WDR72: variants seen among roughly 807,000 people sequenced by gnomAD.
WDR72 encodes WD repeat domain 72.
Under a neutral mutation model 124.2 loss-of-function variants are expected in WDR72, and 120 were observed. The observed-to-expected ratio is 0.97, with a 90% CI of 0.83 to 1.12. WDR72 has a LOEUF of 1.12. WDR72 is among the 50% of genes most tolerant of loss of function. The pLI is 0.00. For missense variants in WDR72, 1,387 were observed against 1,278.8 expected, an observed-to-expected ratio of 1.08 and a Z score of -1.29; for synonymous variants, 452 against 441.7, an observed-to-expected ratio of 1.02 and a Z score of -0.29.
At chr15:53,583,134 G>A (rs141146514) in intron 18 of WDR72, among the ~76,000 whole-genome samples, 7 of 152,028 alleles carry the variant, frequency 4.6e-5, no homozygotes, top group African/African-American at 1.7e-4. Flanking sequence ...CCAGTCTAGT[G>A]CCATTCTCCA....
At chr15:53,628,849 T>A (rs953014359) in intron 14 of WDR72, among the ~76,000 whole-genome samples, 2 of 151,404 alleles carry the variant, frequency 1.3e-5, no homozygotes, top group Non-Finnish European at 2.9e-5. Context: ...TTAGCTAAGC[T>A]CAAAAACAAA....
Position 53,665,641 on chromosome 15 carries a change from C to T in WDR72, c.1893G>A (p.Gln631=), listed in dbSNP as rs2140451335. The T allele has an allele frequency of 6.2e-7, 1 of 1,613,906 alleles. No homozygotes were observed. The highest frequency in any genetic ancestry group is 8.5e-7 in the Non-Finnish European group (1 of 1,179,882). Residue 631 remains glutamine (Q), a synonymous_variant, in exon 14 of 20, where the codon CAG becomes CAA. Coordinates refer to ENST00000360509, the MANE Select transcript of WDR72 (RefSeq NM_182758.4). ...CAAGCTGGTAGGGGCTGGAGGATCTCTGTTCTATACTTTTGTGCTTAAGTG... is the reference window on the plus strand; with the variant it reads ...CAAGCTGGTAGGGGCTGGAGGATCTTTGTTCTATACTTTTGTGCTTAAGTG... ...SETLKHKSIE[Q]RSSSPYQLGP...
chr15:53,556,419 G>A (rs887860033), intron 18 of WDR72, among the ~76,000 whole-genome samples: 5 of 152,098 alleles, frequency 3.3e-5, no homozygotes, highest in Non-Finnish European at 7.4e-5. Flanking sequence ...TCACATAAGT[G>A]TTTCTAGCAG....
chr15:53,632,173 G>A (rs2014454643), intron 14 of WDR72, among the ~76,000 whole-genome samples: 1 of 151,966 alleles, frequency 6.6e-6, no homozygotes, highest in Non-Finnish European at 1.5e-5. Flanking sequence ...CCTGGGCCAG[G>A]ACCAGGGCCC....
chr15:53,542,071 A>G (rs1893176515), intron 18 of WDR72, among the ~76,000 whole-genome samples: 1 of 42,906 alleles, frequency 2.3e-5, no homozygotes, highest in Non-Finnish European at 4.3e-5. Context: ...AACACTCTGC[A>G]GGATATTATC....
intron 3 of WDR72, among the ~76,000 whole-genome samples, chr15:53,718,876 A>C (rs896214565): frequency 7.0e-6 from 1 of 142,670 alleles, no homozygotes; most frequent in Admixed American, 6.7e-5. Context: ...TTAAATTTTT[A>C]TTTCAATGAA....
rs2018252867 is a variant in WDR72, at chr15:53,733,144, C to T, written c.6G>A (p.Arg2=). The change falls in exon 2 of 20, where the codon AGG becomes AGA. Residue 2 remains arginine (R), a synonymous_variant. Coordinates refer to ENST00000360509, the MANE Select transcript of WDR72 (RefSeq NM_182758.4). ...AGAGTGCCACTGCCTGCAGGGAAGT[C>T]CTCATTTTGGGCGAATCCTGACATA... M[R]TSLQAVALWG... The T allele has an allele frequency of 1.9e-6, 3 of 1,613,886 alleles. No homozygotes were observed. In the East Asian group the frequency reaches 6.7e-5, roughly 36 times the overall value.
chr15:53,594,439 G>A (rs1482647897), intron 18 of WDR72, among the ~76,000 whole-genome samples: 1 of 151,884 alleles, frequency 6.6e-6, no homozygotes, highest in Non-Finnish European at 1.5e-5. Context: ...CAATGATTAG[G>A]CTAAGGAAAT....
chr15:53,600,630 A>G (rs537793002), intron 17 of WDR72, among the ~76,000 whole-genome samples: 14 of 152,318 alleles, frequency 9.2e-5, no homozygotes, highest in African/African-American at 3.1e-4. Context: ...GTAAAATAGC[A>G]TAGAGCATCA....
chr15:53,597,095 G>A lies in WDR72; in HGVS notation c.3132C>T (p.Asn1044=), dbSNP rs1482865816. 7.4e-6 allele frequency: 12 copies of A among 1,613,624 alleles called. No homozygotes were observed. Among genetic ancestry groups the A allele is most frequent in the Non-Finnish European group, 9.3e-6 (11 of 1,179,830 alleles). The change falls in exon 18 of 20, where the codon AAC becomes AAT. Residue 1044 remains asparagine (N), a synonymous_variant. Transcript: ENST00000360509. ...TEELELQCVR[N]TLPLQTPVSP... ...TGTACTTACTTTGCAGAGGCAAAGT[G>A]TTTCTAACACACTGTAACTCTAGTT...
At chr15:53,697,227 C>A (rs1490441571) in intron 13 of WDR72, among the ~76,000 whole-genome samples, 1 of 152,184 alleles carries the variant, frequency 6.6e-6, no homozygotes, top group East Asian at 1.9e-4. Flanking sequence ...ATAATGACAA[C>A]TCTATCGATT....
chr15:53,514,373 C>A lies in WDR72; in HGVS notation c.*3326G>T, dbSNP rs1175606066. 1 of 151,972 alleles carries A rather than the reference C, an allele frequency of 6.6e-6. No individual in the cohort carries two copies. The highest frequency in any genetic ancestry group is 1.5e-5 in the Non-Finnish European group (1 of 68,000). 9.4% of individuals were successfully genotyped at this position (151,972 alleles called of 1,614,324 possible). A position where few individuals can be genotyped will look rare whatever the true frequency, so the allele number is the denominator to read the frequency against. On this transcript the variant is annotated 3_prime_UTR_variant, in exon 20 of 20. Coordinates refer to ENST00000360509, the MANE Select transcript of WDR72 (RefSeq NM_182758.4). ...TTAAAATCAGTTGGAATTAATGTAA[C>A]CTGAACTTTCATTTTAAATACATGG...
intron 17 of WDR72, among the ~76,000 whole-genome samples, chr15:53,599,414 A>G (rs1049467131): frequency 3.9e-5 from 6 of 152,160 alleles, no homozygotes; most frequent in Non-Finnish European, 8.8e-5. Flanking sequence ...CCACCACGAC[A>G]GTTACCACAA....
intron 11 of WDR72, among the ~76,000 whole-genome samples, chr15:53,704,510 T>A (rs1230799784): frequency 6.6e-6 from 1 of 150,550 alleles, no homozygotes; most frequent in Non-Finnish European, 1.5e-5. Context: ...TCTGCTTGAG[T>A]TTTTTTTGTT....
At chr15:53,608,984 A>C (rs2013413629) in intron 17 of WDR72, among the ~76,000 whole-genome samples, 1 of 151,986 alleles carries the variant, frequency 6.6e-6, no homozygotes, top group African/African-American at 2.4e-5. Context: ...TTACTTTTTA[A>C]GATAACTAAA....
rs531843202 is a variant in WDR72, at chr15:53,610,959, A to G, written c.2873-1367T>C. Among the ~76,000 whole-genome samples, 3 of 152,250 alleles carry G rather than the reference A, an allele frequency of 2.0e-5. No individual in the cohort carries two copies. The South Asian group carries it at 6.2e-4, about 32-fold the overall frequency. On this transcript the variant is annotated intron_variant, in intron 16 of 19. Transcript: ENST00000360509. ...AGCATCATGGGGTACTTCACAGCACAATTTAATGTGATGTTAAAATTTTAA... is the reference window on the plus strand; with the variant it reads ...AGCATCATGGGGTACTTCACAGCACGATTTAATGTGATGTTAAAATTTTAA...
rs754052580 is a variant in WDR72, at chr15:53,702,358, A to T, written c.1349-4T>A. ...AGAACTTTATGAGGGGGAGAATCTG[A>T]AAAACAATGAAACACCAAATAATAC... On this transcript the variant is annotated splice_polypyrimidine_tract_variant and splice_region_variant and intron_variant, in intron 11 of 19. Coordinates refer to ENST00000360509, the MANE Select transcript of WDR72 (RefSeq NM_182758.4). 3 of 1,600,958 alleles carry T rather than the reference A, an allele frequency of 1.9e-6. No individual in the cohort carries two copies. The highest frequency in any genetic ancestry group is 3.3e-4 in the Middle Eastern group (2 of 6,044).
At chr15:53,558,157 C>T (rs1205532797) in intron 18 of WDR72, among the ~76,000 whole-genome samples, 1 of 152,024 alleles carries the variant, frequency 6.6e-6, no homozygotes, top group Non-Finnish European at 1.5e-5. Context: ...ATCTATTGCT[C>T]ATTCTATAGT....
At chr15:53,755,789 A>G (rs2018886925) in intron 1 of WDR72, among the ~76,000 whole-genome samples, 1 of 152,228 alleles carries the variant, frequency 6.6e-6, no homozygotes, top group Non-Finnish European at 1.5e-5. Flanking sequence ...CCCTGCTGGG[A>G]GGAGATCAAG....
Sources: gnomAD v4.1 joint callset for allele counts (sites outside exome capture counted in the v4.1 genomes callset) on GRCh38, gnomAD v4.1.1 for gene constraint, MANE v1.5 for transcripts, NCBI Gene and HGNC (gene_info 2026-07-23, HGNC 2026-07-21) for gene names.